The following CHEK2 variants were observed in gnomAD, a reference collection of about 807,000 sequenced individuals.
The protein encoded by CHEK2 is serine/threonine-protein kinase Chk2.
A neutral mutation model predicts 69.1 loss-of-function variants in CHEK2; 71 were observed. The observed-to-expected ratio is 1.03, with a 90% CI of 0.85 to 1.25. The LOEUF is 1.25. Among genes scored for constraint, CHEK2 ranks in the 50% most tolerant of loss-of-function variants. The pLI, the probability that CHEK2 is intolerant of heterozygous loss-of-function variation, is 0.00. For synonymous variants in CHEK2, 189 were observed against 226.9 expected (o/e 0.83, Z 1.50); for missense variants, 664 against 649.6 (o/e 1.02, Z -0.24).
chr22:28,722,954 G>A (rs1045697128), intron 4 of CHEK2, among the ~76,000 whole-genome samples: 5 of 152,020 alleles, frequency 3.3e-5, no homozygotes, highest in South Asian at 2.1e-4. Flanking sequence ...AAAATGTGTC[G>A]CACACACATA....
rs587782541 is a variant in CHEK2, at chr22:28,689,151, G to A, written c.1526C>T (p.Pro509Leu). 1.2e-5 allele frequency: 19 copies of A among 1,594,830 alleles called. No homozygotes were observed. Among genetic ancestry groups the A allele is most frequent in the Non-Finnish European group, 1.7e-6 (2 of 1,178,530 alleles). ...LSEENESTAL[P>L]QVLAQPSTSR... Reference sequence around the variant, plus strand: ...TACGAATACCTGGGCTAGAACCTGGGGTAGAGCTGTGGATTCATTTTCCTC... The same window carrying A: ...TACGAATACCTGGGCTAGAACCTGGAGTAGAGCTGTGGATTCATTTTCCTC... The change falls in exon 14 of 15, where the codon CCC becomes CTC. Residue 509 changes from proline to leucine, a missense_variant. Coordinates refer to ENST00000404276, the MANE Select transcript of CHEK2 (RefSeq NM_007194.4).
rs781222802 is a variant in CHEK2, at chr22:28,703,565, G to A, written c.848C>T (p.Pro283Leu). ...AAAGTTTTTAATCTTGATGATGCAA[G>A]GCTAAGAAGAGGGGGAGAAAAAAGG... ...EIEILKKLNH[P>L]CIIKIKNFFD... Residue 283 changes from proline to leucine, a missense_variant and splice_region_variant, in exon 8 of 15, where the codon CCT becomes CTT. Coordinates refer to ENST00000404276, the MANE Select transcript of CHEK2 (RefSeq NM_007194.4). The A allele has an allele frequency of 6.4e-7, 1 of 1,558,426 alleles. No homozygotes were observed. Among genetic ancestry groups the A allele is most frequent in the Non-Finnish European group, 8.8e-7 (1 of 1,135,508 alleles).
chr22:28,740,527 G>A (rs1188740942), intron 1 of CHEK2, among the ~76,000 whole-genome samples: 1 of 152,122 alleles, frequency 6.6e-6, no homozygotes, highest in Non-Finnish European at 1.5e-5. Flanking sequence ...TTACTTTAAT[G>A]TAAGATTTTT....
chr22:28,725,134 A>G lies in CHEK2; in HGVS notation c.445-10T>C, dbSNP rs1060504692. The stretch of plus-strand genomic sequence containing the variant: ...TTTTAGGACCCACTTCCTAAAATAG[A>G]GAACATTTTGTTTCAGACTTTGAAT... On this transcript the variant is annotated splice_polypyrimidine_tract_variant and intron_variant, in intron 3 of 14. Coordinates refer to ENST00000404276, the MANE Select transcript of CHEK2 (RefSeq NM_007194.4). 6 of 1,614,022 alleles carry G rather than the reference A, an allele frequency of 3.7e-6. No individual in the cohort carries two copies. Among genetic ancestry groups the G allele is most frequent in the Non-Finnish European group, 5.1e-6 (6 of 1,180,008 alleles).
At chr22:28,694,444 A>G (rs956622199) in intron 12 of CHEK2, among the ~76,000 whole-genome samples, 2 of 152,202 alleles carry the variant, frequency 1.3e-5, no homozygotes, top group African/African-American at 4.8e-5. Context: ...TGGGATGCAC[A>G]GCAAACTCTC....
At chr22:28,732,820 A>ACCG (rs1471958473) in intron 2 of CHEK2, among the ~76,000 whole-genome samples, 8 of 152,088 alleles carry the variant, frequency 5.3e-5, no homozygotes, top group South Asian at 4.2e-4. Flanking sequence ...AAAGGAAAAA[A>ACCG]AACACTATTT....
chr22:28,696,944 T>G lies in CHEK2; in HGVS notation c.1052A>C (p.Glu351Ala), dbSNP rs786202893. 1.2e-6 allele frequency: 2 copies of G among 1,613,538 alleles called. No individual in the cohort carries two copies. The highest frequency in any genetic ancestry group is 1.7e-6 in the Non-Finnish European group (2 of 1,179,608). Residue 351 changes from glutamate to alanine, a missense_variant, in exon 10 of 15, where the codon GAG becomes GCG. Glu to Ala is a moderately radical substitution (Grantham distance 107). Coordinates refer to ENST00000404276, the MANE Select transcript of CHEK2 (RefSeq NM_007194.4). ...TTCTTGAGATGACAGTAAAACATTC[T>G]CTGGCTTTAAGTCACGGTGTATAAT... ...NGIIHRDLKP[E>A]NVLLSSQEED...
chr22:28,703,488 A>C lies in CHEK2; in HGVS notation c.908+17T>G, dbSNP rs2052972175. The C allele has an allele frequency of 7.9e-7, 1 of 1,269,930 alleles. No individual in the cohort carries two copies. The highest frequency in any genetic ancestry group is 1.5e-5 in the African/African-American group (1 of 67,666). The allele number at this position is 1,269,930 out of a possible 1,614,324, so 78.7% of individuals were successfully genotyped here. The stretch of plus-strand genomic sequence containing the variant: ...ATTTGAATGGAAACAGAAATTTTTA[A>C]AAAGTTTACTACTTACAATTCCAAA... On this transcript the variant is annotated intron_variant, in intron 8 of 14. Transcript: ENST00000404276.
rs543309525 is a variant in CHEK2 at position 28,717,365 on chromosome 22, G to A, written c.683+2030C>T. ...TGCACTCCAGCCTGGGTGACAGAGC[G>A]AGACTCCATCTCAAGAAGAAAAAAA... On this transcript the variant is annotated intron_variant, in intron 5 of 14. Coordinates refer to ENST00000404276, the MANE Select transcript of CHEK2 (RefSeq NM_007194.4). 2.4e-4 allele frequency among the ~76,000 whole-genome samples: 36 copies of A among 152,170 alleles called. No homozygotes were observed. The South Asian group carries it at 5.4e-3, about 23-fold the overall frequency.
intron 1 of CHEK2, among the ~76,000 whole-genome samples, chr22:28,741,484 C>A (rs1350152917): frequency 6.6e-6 from 1 of 152,056 alleles, no homozygotes; most frequent in African/African-American, 2.4e-5. Flanking sequence ...GCAACGATTT[C>A]TAACATCTAT....
intron 2 of CHEK2, among the ~76,000 whole-genome samples, chr22:28,731,245 A>T (rs2054205384): frequency 6.6e-6 from 1 of 151,954 alleles, no homozygotes; most frequent in African/African-American, 2.4e-5. Context: ...TAAAAAAAGG[A>T]ATTAAAACTG....
At chr22:28,701,574 C>T (rs2052849515) in intron 8 of CHEK2, among the ~76,000 whole-genome samples, 1 of 152,180 alleles carries the variant, frequency 6.6e-6, no homozygotes, top group Admixed American at 6.5e-5. Context: ...AGGAGCAAAG[C>T]ATTCTGTGCC....
intron 2 of CHEK2, among the ~76,000 whole-genome samples, chr22:28,726,674 A>G (rs2054024572): frequency 6.7e-6 from 1 of 149,106 alleles, no homozygotes; most frequent in Non-Finnish European, 1.5e-5. Flanking sequence ...ATAGTCATTA[A>G]AAGTTCTCGA....
Position 28,719,493 on chromosome 22 carries a change from A to G in CHEK2, c.593-8T>C, listed in dbSNP as rs1428710170. On this transcript the variant is annotated splice_polypyrimidine_tract_variant and splice_region_variant and intron_variant, in intron 4 of 14. Transcript: ENST00000404276. ...GATCAAAAAAGACAAAAACTAAGGA[A>G]GAAAAGAGTAGAAATGGGTTTCATT... The G allele has an allele frequency of 1.3e-6, 2 of 1,492,138 alleles. No individual in the cohort carries two copies. The highest frequency in any genetic ancestry group is 1.9e-6 in the Non-Finnish European group (2 of 1,080,810). The allele number at this position is 1,492,138 out of a possible 1,614,324, so 92.4% of individuals were successfully genotyped here. A position where few individuals can be genotyped will look rare whatever the true frequency, so the allele number is the denominator to read the frequency against.
rs982136122 is a variant in CHEK2, at chr22:28,737,211, C to A, written c.-6-2484G>T. ...AGAACCCTATATAAATTATGCACAACTTTCTTTTTCCTTCTTCACAATTTC... is the reference window on the plus strand; with the variant it reads ...AGAACCCTATATAAATTATGCACAAATTTCTTTTTCCTTCTTCACAATTTC... On this transcript the variant is annotated intron_variant, in intron 1 of 14. Coordinates refer to ENST00000404276, the MANE Select transcript of CHEK2 (RefSeq NM_007194.4). 16 of 455,956 alleles carry A rather than the reference C, an allele frequency of 3.5e-5. 1 individual carries two copies. Among genetic ancestry groups the A allele is most frequent in the Middle Eastern group, 6.3e-4 (1 of 1,592 alleles). 28.2% of individuals were successfully genotyped at this position (455,956 alleles called of 1,614,324 possible).
intron 13 of CHEK2, among the ~76,000 whole-genome samples, chr22:28,689,791 C>T (rs962058668): frequency 2.6e-5 from 4 of 152,082 alleles, no homozygotes; most frequent in African/African-American, 9.7e-5. Flanking sequence ...GCTGCAGGAG[C>T]GGGAGGTGAG....
intron 5 of CHEK2, among the ~76,000 whole-genome samples, chr22:28,718,672 A>G (rs768102960): frequency 2.0e-5 from 3 of 152,062 alleles, no homozygotes; most frequent in Admixed American, 2.0e-4. Context: ...GCTTGAGCTT[A>G]GGAGTTCAAG....
intron 13 of CHEK2, 167 bp from the exon 14 acceptor site, chr22:28,689,382 C>T: frequency 1.4e-6 from 1 of 690,472 alleles, no homozygotes; most frequent in Non-Finnish European, 2.7e-6. Context: ...CCCGCCTCTA[C>T]CTTCCCAGAG....
At chr22:28,729,540 C>CAAAAAAAAAAAAAAAAAAA (rs58149342) in intron 2 of CHEK2, among the ~76,000 whole-genome samples, 28 of 83,068 alleles carry the variant, frequency 3.4e-4, no homozygotes, top group East Asian at 7.1e-4. Flanking sequence ...GACTCCATCT[C>CAAAAAAAAAAAAAAAAAAA]AAAAAAAAAA....
Sources: allele counts gnomAD v4.1 joint callset (sites outside exome capture counted in the v4.1 genomes callset), GRCh38; gene constraint gnomAD v4.1.1; transcripts MANE v1.5; gene names NCBI Gene and HGNC (gene_info 2026-07-23, HGNC 2026-07-21).